PHF14: variants seen among roughly 807,000 people sequenced by gnomAD.
PHF14 encodes the protein PHD finger protein 14.
In PHF14, 55 loss-of-function variants were observed where a neutral mutation model predicts 117.9. That is an observed-to-expected ratio of 0.47 (90% confidence interval 0.38 to 0.58). PHF14 has a LOEUF of 0.58. PHF14 is among the 20% of genes least tolerant of loss of function. The pLI is 0.00. For synonymous variants in PHF14, 409 were observed against 368.6 expected, an observed-to-expected ratio of 1.11 and a Z score of -1.26; for missense variants, 978 against 1,122.2, an observed-to-expected ratio of 0.87 and a Z score of 1.84.
chr7:11,007,908 T>C (rs562294528), intron 4 of PHF14, among the ~76,000 whole-genome samples: 22 of 152,222 alleles, frequency 1.4e-4, no homozygotes, highest in Non-Finnish European at 2.6e-4. Flanking sequence ...GTAATTACTT[T>C]TCAGAGTGCT....
chr7:11,032,526 A>G (rs1416046378), intron 7 of PHF14, among the ~76,000 whole-genome samples: 3 of 152,072 alleles, frequency 2.0e-5, no homozygotes, highest in African/African-American at 7.2e-5. Context: ...TTAAGATTCT[A>G]GACCAAATCA....
At chr7:11,101,461 A>T (rs2128341346) in intron 16 of PHF14, among the ~76,000 whole-genome samples, 1 of 152,026 alleles carries the variant, frequency 6.6e-6, no homozygotes, top group Admixed American at 6.6e-5. Context: ...TTAGAGACTG[A>T]AGCACTGAAA....
chr7:11,082,295 C>A (rs1384680039), intron 16 of PHF14, among the ~76,000 whole-genome samples: 1 of 152,136 alleles, frequency 6.6e-6, no homozygotes, highest in Non-Finnish European at 1.5e-5. Context: ...CTGCAGTGAG[C>A]CATGATCACG....
At chr7:11,046,153 T>C (rs541541793) in intron 13 of PHF14, among the ~76,000 whole-genome samples, 24 of 152,206 alleles carry the variant, frequency 1.6e-4, no homozygotes, top group Non-Finnish European at 2.9e-4. Context: ...TTTTGTCTCA[T>C]TTTTAGTTTA....
At chr7:11,062,500 T>A (rs1431466715) in intron 16 of PHF14, 1 of 165,342 alleles carries the variant, frequency 6.0e-6, no homozygotes, top group African/African-American at 2.4e-5. Flanking sequence ...GACAGACTTT[T>A]TATTGACAAG....
chr7:11,107,199 T>C, intron 16 of PHF14: 1 of 984,526 alleles, frequency 1.0e-6, no homozygotes, highest in Non-Finnish European at 1.2e-6. Flanking sequence ...TTTTACTTGT[T>C]TGCATATTCT....
intron 16 of PHF14, chr7:11,111,123 TTTG>T (rs1204026126): frequency 2.5e-6 from 1 of 402,904 alleles, no homozygotes; most frequent in Non-Finnish European, 4.4e-6. Context: ...AAATATTTGT[TTTG>T]TTTGTTGATT....
At chr7:11,107,246 T>C in intron 16 of PHF14, 3 of 981,398 alleles carry the variant, frequency 3.1e-6, no homozygotes, top group Non-Finnish European at 3.6e-6. Context: ...TTGCTTGTTA[T>C]ATGGATCATA....
chr7:10,974,314 C>A lies in PHF14; in HGVS notation c.-10C>A. 6.3e-7 allele frequency: 1 copy of A among 1,590,570 alleles called. No individual in the cohort carries two copies. Among genetic ancestry groups the A allele is most frequent in the South Asian group, 1.1e-5 (1 of 87,254 alleles). On this transcript the variant is annotated 5_prime_UTR_variant, in exon 1 of 18. Transcript: ENST00000634607. ...AAGTCTTCTCCAAACGACCACCTCACGGATTCCTTAGTAAGTGTATCCGAG... is the reference window on the plus strand; with the variant it reads ...AAGTCTTCTCCAAACGACCACCTCAAGGATTCCTTAGTAAGTGTATCCGAG...
chr7:11,092,894 G>A (rs1449324969), intron 16 of PHF14, among the ~76,000 whole-genome samples: 1 of 152,202 alleles, frequency 6.6e-6, no homozygotes, highest in Non-Finnish European at 1.5e-5. Flanking sequence ...TAACACACCA[G>A]TTAAAGGGTG....
intron 3 of PHF14, among the ~76,000 whole-genome samples, chr7:10,990,172 A>T (rs1220933364): frequency 1.3e-5 from 2 of 152,206 alleles, no homozygotes; most frequent in Non-Finnish European, 2.9e-5. Flanking sequence ...TAAGGAGTAT[A>T]GAGTCCTTAA....
At chr7:11,085,502 T>C (rs1786362288) in intron 16 of PHF14, among the ~76,000 whole-genome samples, 1 of 152,208 alleles carries the variant, frequency 6.6e-6, no homozygotes, top group Non-Finnish European at 1.5e-5. Context: ...ATTGTTTCTA[T>C]TGTAGATGTC....
chr7:11,156,823 C>T (rs578182474), intron 17 of PHF14, among the ~76,000 whole-genome samples: 14 of 152,042 alleles, frequency 9.2e-5, no homozygotes, highest in African/African-American at 3.4e-4. Context: ...AAGAAATTAA[C>T]TTTCTACACT....
At chr7:11,021,462 A>G (rs1783733030) in intron 5 of PHF14, among the ~76,000 whole-genome samples, 1 of 152,202 alleles carries the variant, frequency 6.6e-6, no homozygotes, top group South Asian at 2.1e-4. Flanking sequence ...TCAAGTTGGT[A>G]TCCTCACATG....
At chr7:11,072,804 C>G (rs907565074) in intron 16 of PHF14, among the ~76,000 whole-genome samples, 2 of 152,146 alleles carry the variant, frequency 1.3e-5, no homozygotes, top group Non-Finnish European at 1.5e-5. Flanking sequence ...CTGGTGAGGT[C>G]TCAGGAAACT....
At chr7:11,018,244 T>A (rs1421731421) in intron 5 of PHF14, among the ~76,000 whole-genome samples, 1 of 152,190 alleles carries the variant, frequency 6.6e-6, no homozygotes, top group African/African-American at 2.4e-5. Context: ...CTTTTGTGGT[T>A]CCGTATACAT....
chr7:10,991,306 T>A (rs1782439840), intron 4 of PHF14, among the ~76,000 whole-genome samples: 1 of 152,180 alleles, frequency 6.6e-6, no homozygotes, highest in South Asian at 2.1e-4. Context: ...GCCTCTTAAG[T>A]AGCTGGGATT....
chr7:11,014,222 G>A (rs757199975), intron 5 of PHF14, among the ~76,000 whole-genome samples: 2 of 151,986 alleles, frequency 1.3e-5, no homozygotes, highest in Admixed American at 6.5e-5. Context: ...TAACTTATTC[G>A]TTCAAGACCA....
intron 7 of PHF14, among the ~76,000 whole-genome samples, chr7:11,029,687 T>A (rs1784056174): frequency 6.6e-6 from 1 of 152,196 alleles, no homozygotes; most frequent in Non-Finnish European, 1.5e-5. Context: ...GTCTAAAATA[T>A]AACTCACATA....
Sources: allele counts gnomAD v4.1 joint callset (sites outside exome capture counted in the v4.1 genomes callset), GRCh38; gene constraint gnomAD v4.1.1; transcripts MANE v1.5; gene names NCBI Gene and HGNC (gene_info 2026-07-23, HGNC 2026-07-21).